The following LRRC34 variants were observed in gnomAD, a reference collection of about 807,000 sequenced individuals.
LRRC34 encodes leucine rich repeat containing 34.
A neutral mutation model predicts 48.5 loss-of-function variants in LRRC34; 44 were observed. The ratio of observed to expected loss-of-function variants is 0.91; its 90% CI spans 0.71 to 1.17. LRRC34 has a LOEUF of 1.17. Ranked by LOEUF, LRRC34 falls within the 50% of genes most tolerant of loss-of-function variation. LRRC34 has a pLI of 0.00. For missense variants in LRRC34, 502 were observed against 563.0 expected (o/e 0.89, Z 1.10); for synonymous variants, 192 against 197.6 (o/e 0.97, Z 0.24).
intron 7 of LRRC34, among the ~76,000 whole-genome samples, chr3:169,799,758 G>A (rs1779125780): frequency 6.6e-6 from 1 of 152,182 alleles, no homozygotes; most frequent in Non-Finnish European, 1.5e-5. Flanking sequence ...TGTCGCCCAC[G>A]CTGGAGTGCA....
At position 169,812,630 on chromosome 3, in the gene LRRC34, G is replaced by A; in HGVS notation, c.-82C>T. 3.6e-6 allele frequency: 5 copies of A among 1,401,938 alleles called. No individual in the cohort carries two copies. The highest frequency in any genetic ancestry group is 4.6e-6 in the Non-Finnish European group (5 of 1,084,410). 86.8% of individuals were successfully genotyped at this position (1,401,938 alleles called of 1,614,324 possible). On this transcript the variant is annotated 5_prime_UTR_variant, in exon 1 of 11. Transcript: ENST00000446859. This position sits in a 1 kb window ranked among gnomAD's most constrained non-coding sequence, Gnocchi z 4.3. ...TCGGCGCCAGCCTGCTTCGAGTCCC[G>A]CTGGCTGTGCCTGCCCGGGCCCTGA...
chr3:169,808,637 AT>A lies in LRRC34; in HGVS notation c.247del (p.Ile83LeufsTer5). On this transcript the variant is annotated frameshift_variant, in exon 2 of 11. Coordinates refer to ENST00000446859, the MANE Select transcript of LRRC34 (RefSeq NM_001172779.2). LOFTEE classifies it high-confidence loss of function. The part of the protein sequence containing the change: ...LHILQEVDEE[I>X]KKGLAAGITL... The stretch of plus-strand genomic sequence containing the variant: ...TATTTGTCTTTCTTACCCCTTTTTA[AT>A]TTCTTCATCCACTTCTTGGAGTATA... The A allele has an allele frequency of 4.0e-6, 6 of 1,486,824 alleles. No individual in the cohort carries two copies. Among genetic ancestry groups the A allele is most frequent in the Non-Finnish European group, 5.6e-6 (6 of 1,077,398 alleles). 92.1% of individuals were successfully genotyped at this position (1,486,824 alleles called of 1,614,324 possible).
chr3:169,796,966 A>G, intron 7 of LRRC34, 67 bp from the exon 8 acceptor site: 1 of 1,215,752 alleles, frequency 8.2e-7, no homozygotes, highest in Non-Finnish European at 1.1e-6. Context: ...TTTCAGACAT[A>G]TGCTGTTATT....
Position 169,807,598 on chromosome 3 carries a change from C to A in LRRC34, c.369G>T (p.Leu123=). ...WILSKILKNC[L]YINGLDVGYN... ...CTTATGGAAACATACCATTAATATA[C>A]AGACAATTCTTTAAAATTTTGGAAA... Residue 123 remains leucine (L), a synonymous_variant, in exon 3 of 11, where the codon CTG becomes CTT. Transcript: ENST00000446859. 2 of 1,611,476 alleles carry A rather than the reference C, an allele frequency of 1.2e-6. No homozygotes were observed.
chr3:169,803,915 A>G (rs1468069541), intron 6 of LRRC34, 138 bp downstream of exon 6: 1 of 629,366 alleles, frequency 1.6e-6, no homozygotes, highest in African/African-American at 1.9e-5. Flanking sequence ...AATAATCTGC[A>G]CTATTATGTC....
Position 169,793,716 on chromosome 3 carries a change from A to G in LRRC34, c.1314T>C (p.Tyr438=), listed in dbSNP as rs764201960. 7 of 1,613,728 alleles carry G rather than the reference A, an allele frequency of 4.3e-6. No homozygotes were observed. The African/African-American group carries it at 5.3e-5, about 12-fold the overall frequency. The change falls in exon 11 of 11, where the codon TAT becomes TAC. Residue 438 remains tyrosine, a synonymous_variant. Transcript: ENST00000446859. ...EVSNGLKKHY[Y]WTSTYGESYD... is the part of the protein sequence containing the mutation. ...AAGATTCTCCATAAGTTGATGTCCA[A>G]TAATAATGCTTTTTAAGGCCATTGG...
Position 169,796,339 on chromosome 3 carries a change from A to T in LRRC34, c.939T>A (p.Tyr313Ter). Residue 313 changes from tyrosine to a stop codon, truncating the protein, a stop_gained, in exon 9 of 11, where the codon TAT (tyrosine) becomes TAA (stop). Coordinates refer to ENST00000446859, the MANE Select transcript of LRRC34 (RefSeq NM_001172779.2). LOFTEE classifies it high-confidence loss of function. ...CNKITHDGMV[Y>*]LADVLKSNTT... ...TGTTGCTTTTCAGTACATCAGCCAAATACACCATTCCATCATGAGTTATTT... is the reference window on the plus strand; with the variant it reads ...TGTTGCTTTTCAGTACATCAGCCAATTACACCATTCCATCATGAGTTATTT... The T allele has an allele frequency of 6.2e-7, 1 of 1,608,306 alleles. No homozygotes were observed.
chr3:169,807,465 T>C lies in LRRC34; in HGVS notation c.405A>G (p.Leu135=), dbSNP rs763640536. 1.2e-6 allele frequency: 2 copies of C among 1,613,988 alleles called. No individual in the cohort carries two copies. The highest frequency in any genetic ancestry group is 1.1e-5 in the South Asian group (1 of 91,076). The part of the protein sequence containing the change: ...INGLDVGYNL[L]CDVGAYYAAK... ...CAGCATAGTATGCACCAACATCACA[T>C]AGAAGGTTATATCCAACATCCAAAC... is the stretch of plus-strand genomic sequence containing the variant. The change falls in exon 4 of 11, where the codon CTA becomes CTG. Residue 135 remains leucine, a synonymous_variant. Coordinates refer to ENST00000446859, the MANE Select transcript of LRRC34 (RefSeq NM_001172779.2).
chr3:169,794,621 G>A (rs1778924987), intron 10 of LRRC34: 1 of 152,180 alleles, frequency 6.6e-6, no homozygotes, highest in South Asian at 2.1e-4. Flanking sequence ...TCACCATGTT[G>A]GCCAGGATGG....
intron 2 of LRRC34, 119 bp from the exon 3 acceptor site, chr3:169,807,828 A>C (rs1408067990): frequency 8.5e-7 from 1 of 1,178,834 alleles, no homozygotes; most frequent in African/African-American, 1.6e-5. Context: ...CATTTACTGG[A>C]AGCAAGCATA....
Position 169,795,627 on chromosome 3 carries a change from C to A in LRRC34, c.1065-16G>T. ...TACTGACAACCTGAAACCAATAATT[C>A]CACAAGGAAAGAATACAAAAATTAG... On this transcript the variant is annotated splice_polypyrimidine_tract_variant and intron_variant, in intron 9 of 10. Coordinates refer to ENST00000446859, the MANE Select transcript of LRRC34 (RefSeq NM_001172779.2). 1 of 1,601,910 alleles carries A rather than the reference C, an allele frequency of 6.2e-7. No individual in the cohort carries two copies. Among genetic ancestry groups the A allele is most frequent in the South Asian group, 1.1e-5 (1 of 89,968 alleles).
chr3:169,807,863 T>C (rs570546014), intron 2 of LRRC34, among the ~76,000 whole-genome samples, 154 bp from the exon 3 acceptor site: 41 of 152,280 alleles, frequency 2.7e-4, no homozygotes, highest in African/African-American at 9.9e-4. Context: ...ATACAGTATA[T>C]TTATACCAGG....
Position 169,795,466 on chromosome 3 carries a change from G to C in LRRC34, c.1191+19C>G, listed in dbSNP as rs756935055. On this transcript the variant is annotated intron_variant, in intron 10 of 10. Transcript: ENST00000446859. ...ATCCCAGAAAAAGCCTTCAGTGAAG[G>C]AAAAAACTTAAAACTTACTATACAC... The C allele has an allele frequency of 1.3e-6, 2 of 1,584,234 alleles. No homozygotes were observed. The highest frequency in any genetic ancestry group is 1.7e-6 in the Non-Finnish European group (2 of 1,160,554).
At chr3:169,804,232 T>G in intron 5 of LRRC34, 51 bp from the exon 6 acceptor site, 6 of 1,411,866 alleles carry the variant, frequency 4.2e-6, no homozygotes, top group African/African-American at 1.5e-5. Context: ...CAGAATTCTA[T>G]ATATTACATG....
chr3:169,808,492 C>A (rs1050924208), intron 2 of LRRC34, 136 bp downstream of exon 2: 2 of 576,106 alleles, frequency 3.5e-6, no homozygotes, highest in Non-Finnish European at 6.3e-6. Flanking sequence ...CGTGTACTTA[C>A]TTACCTGAAT....
Position 169,793,739 on chromosome 3 carries a change from T to C in LRRC34, c.1291A>G (p.Asn431Asp). 6.2e-7 allele frequency: 1 copy of C among 1,613,808 alleles called. No individual in the cohort carries two copies. Reference sequence around the variant, plus strand: ...CAATAATAATGCTTTTTAAGGCCATTGGAGACTTCTGCAAGATATACACGT... The same window carrying C: ...CAATAATAATGCTTTTTAAGGCCATCGGAGACTTCTGCAAGATATACACGT... ...DGRVYLAEVS[N>D]GLKKHYYWTS... The change falls in exon 11 of 11, where the codon AAT (asparagine) becomes GAT (aspartate). Residue 431 changes from asparagine to aspartate, a missense_variant. Physicochemically the swap from Asn to Asp is conservative, Grantham distance 23. Transcript: ENST00000446859.
At chr3:169,804,546 C>T (rs746473454) in intron 5 of LRRC34, among the ~76,000 whole-genome samples, 4 of 152,090 alleles carry the variant, frequency 2.6e-5, no homozygotes, top group Non-Finnish European at 5.9e-5. Context: ...CTGCCCAGCT[C>T]GGCCTCCCAA....
rs747672295 is a variant in LRRC34 at position 169,812,362 on chromosome 3, C to T, written c.139+48G>A. On this transcript the variant is annotated intron_variant, in intron 1 of 10. Transcript: ENST00000446859. This position sits in a 1 kb window ranked among gnomAD's most constrained non-coding sequence, Gnocchi z 4.3. ...TGCCGTGCGACCCCGGCGCCCCTCGCGCGTTTTGTCTGGGCCAGGCCGCGC... is the reference window on the plus strand; with the variant it reads ...TGCCGTGCGACCCCGGCGCCCCTCGTGCGTTTTGTCTGGGCCAGGCCGCGC... 5 of 1,489,606 alleles carry T rather than the reference C, an allele frequency of 3.4e-6. No individual in the cohort carries two copies. The highest frequency in any genetic ancestry group is 4.4e-6 in the Non-Finnish European group (5 of 1,127,098). 92.3% of individuals were successfully genotyped at this position (1,489,606 alleles called of 1,614,324 possible).
chr3:169,796,310 G>C lies in LRRC34; in HGVS notation c.968C>G (p.Thr323Ser), dbSNP rs776717065. The C allele has an allele frequency of 1.9e-6, 3 of 1,611,904 alleles. No homozygotes were observed. Among genetic ancestry groups the C allele is most frequent in the Non-Finnish European group, 2.5e-6 (3 of 1,179,254 alleles). Residue 323 changes from threonine to serine, a missense_variant, in exon 9 of 11, where the codon ACC becomes AGC. By Grantham distance (58) the Thr-to-Ser change is moderately conservative (BLOSUM62 1). Coordinates refer to ENST00000446859, the MANE Select transcript of LRRC34 (RefSeq NM_001172779.2). ...AAAGGAAAGATCTATTACTTCCAGG[G>C]TAGTGTTGCTTTTCAGTACATCAGC... ...YLADVLKSNT[T>S]LEVIDLSFNR...
Sources: allele counts gnomAD v4.1 joint callset (sites outside exome capture counted in the v4.1 genomes callset), GRCh38; gene constraint gnomAD v4.1.1; non-coding constraint Gnocchi (gnomAD v3.1); transcripts MANE v1.5; gene names NCBI Gene and HGNC (gene_info 2026-07-23, HGNC 2026-07-21).